IL34: variants seen among roughly 807,000 people sequenced by gnomAD.
IL34 encodes interleukin 34.
Under a neutral mutation model 25.3 loss-of-function variants are expected in IL34, and 17 were observed. That is an observed-to-expected ratio of 0.67 (90% CI 0.46 to 1.01). The LOEUF (loss-of-function observed/expected upper bound fraction) is 1.01. Among genes scored for constraint, IL34 ranks in the 50% least tolerant of loss-of-function variants. The pLI is 0.00. For synonymous variants in IL34, 174 were observed against 140.9 expected, an observed-to-expected ratio of 1.23 and a Z score of -1.66; for missense variants, 368 against 312.9, an observed-to-expected ratio of 1.18 and a Z score of -1.33.
intron 1 of IL34, among the ~76,000 whole-genome samples, chr16:70,612,093 C>T (rs902215475): frequency 6.6e-6 from 1 of 152,310 alleles, no homozygotes; most frequent in East Asian, 1.9e-4. Flanking sequence ...AGCCCAAAGC[C>T]TGTCTCAGGC....
intron 1 of IL34, among the ~76,000 whole-genome samples, chr16:70,613,632 G>A (rs1435207307): frequency 2.0e-5 from 3 of 152,062 alleles, no homozygotes; most frequent in Admixed American, 1.3e-4. Context: ...CCAACACTTT[G>A]GGAGGCTGCG....
intron 1 of IL34, among the ~76,000 whole-genome samples, chr16:70,588,495 C>CAA (rs1043893573): frequency 7.3e-6 from 1 of 136,158 alleles, no homozygotes. Context: ...AACTTCATTT[C>CAA]AAAAAAAAAA....
At chr16:70,645,072 A>T (rs141247373), upstream of IL34, among the ~76,000 whole-genome samples, 14 of 141,110 alleles carry the variant, frequency 9.9e-5, no homozygotes, top group African/African-American at 3.2e-4. Flanking sequence ...GGAAGGAGAA[A>T]GGAAGAGGGA....
At chr16:70,624,812 G>A (rs1007527308) in intron 1 of IL34, among the ~76,000 whole-genome samples, 2 of 151,944 alleles carry the variant, frequency 1.3e-5, no homozygotes, top group Non-Finnish European at 2.9e-5. Context: ...GAAGAATTGG[G>A]ACCTAGCTTG....
intron 1 of IL34, among the ~76,000 whole-genome samples, chr16:70,590,070 A>G (rs1348887051): frequency 1.3e-5 from 2 of 152,178 alleles, no homozygotes; most frequent in African/African-American, 4.8e-5. Flanking sequence ...GTGTTGCTGG[A>G]GAGATGGACA....
chr16:70,622,548 C>G (rs1257667719), intron 1 of IL34, among the ~76,000 whole-genome samples: 1 of 151,740 alleles, frequency 6.6e-6, no homozygotes, highest in Non-Finnish European at 1.5e-5. Context: ...GAACTGCCAT[C>G]AATAAATCAA....
chr16:70,633,638 T>C (rs1457422938), intron 1 of IL34, among the ~76,000 whole-genome samples: 1 of 152,084 alleles, frequency 6.6e-6, no homozygotes, highest in East Asian at 1.9e-4. Context: ...AGTACCATAA[T>C]TGGTGGCTTA....
At chr16:70,645,808 C>G (rs145749406), upstream of IL34, among the ~76,000 whole-genome samples, 1,008 of 152,274 alleles carry the variant, frequency 6.6e-3, 7 homozygotes, top group Admixed American at 0.013. Flanking sequence ...AATCCCAGCA[C>G]TTTGGGAGGC....
rs749776814 is a variant in IL34, at chr16:70,660,182, C to T, written c.724C>T (p.Pro242Ser). 2 of 1,573,720 alleles carry T rather than the reference C, an allele frequency of 1.3e-6. No homozygotes were observed. Among genetic ancestry groups the T allele is most frequent in the African/African-American group, 1.4e-5 (1 of 73,638 alleles). Residue 242 changes from proline to serine, a missense_variant, in exon 6 of 6, where the codon CCC (proline) becomes TCC (serine). Pro to Ser is a moderately conservative substitution (Grantham distance 74). Transcript: ENST00000288098. ...PVRAQGEGLLP is the reference protein window; with the variant it reads ...PVRAQGEGLLS ...CAGGGCACAGGGCGAGGGCCTCTTGCCCTGAGCACCCTGGATGGTGACTGC... is the reference window on the plus strand; with the variant it reads ...CAGGGCACAGGGCGAGGGCCTCTTGTCCTGAGCACCCTGGATGGTGACTGC...
chr16:70,631,100 G>T (rs1183176315), intron 1 of IL34, among the ~76,000 whole-genome samples: 1 of 152,218 alleles, frequency 6.6e-6, no homozygotes, highest in Non-Finnish European at 1.5e-5. Flanking sequence ...CATGGACGCA[G>T]AAGACTGACT....
At chr16:70,614,434 C>G (rs919577561) in intron 1 of IL34, among the ~76,000 whole-genome samples, 1 of 152,116 alleles carries the variant, frequency 6.6e-6, no homozygotes, top group Non-Finnish European at 1.5e-5. Context: ...GGGCCTGGAG[C>G]CTGTGTTTTT....
intron 1 of IL34, among the ~76,000 whole-genome samples, chr16:70,584,089 C>T (rs1236016182): frequency 2.6e-5 from 4 of 152,366 alleles, no homozygotes; most frequent in Non-Finnish European, 5.9e-5. Flanking sequence ...GAGGGAGAGA[C>T]ATCTCGTCCC....
At chr16:70,590,702 A>AGG (rs2050743654) in intron 1 of IL34, among the ~76,000 whole-genome samples, 1 of 152,130 alleles carries the variant, frequency 6.6e-6, no homozygotes, top group East Asian at 1.9e-4. Flanking sequence ...CTGGGAACCA[A>AGG]GGCTCAGAGG....
chr16:70,647,567 G>T (rs903572772), intron 1 of IL34, among the ~76,000 whole-genome samples: 3 of 152,230 alleles, frequency 2.0e-5, no homozygotes, highest in African/African-American at 7.2e-5. Flanking sequence ...GCCAGACCAA[G>T]ATCCCCTCAG....
chr16:70,626,335 T>C (rs13335470), intron 1 of IL34, among the ~76,000 whole-genome samples: 12,384 of 152,190 alleles, frequency 0.081, 1,631 homozygotes, highest in African/African-American at 0.28. Flanking sequence ...TCTGAATGTT[T>C]AATCATAGGT....
intron 1 of IL34, among the ~76,000 whole-genome samples, chr16:70,632,101 CAAA>C (rs71151199): frequency 3.7e-4 from 40 of 106,704 alleles, no homozygotes; most frequent in African/African-American, 3.3e-4. Flanking sequence ...GACCCTGTCT[CAAA>C]AAAAAAAAAA....
At chr16:70,657,710 G>T (rs1332710681) in intron 4 of IL34, among the ~76,000 whole-genome samples, 2 of 152,134 alleles carry the variant, frequency 1.3e-5, no homozygotes, top group African/African-American at 4.8e-5. Flanking sequence ...GGGAGGCAGA[G>T]GTTGCAGTGA....
intron 2 of IL34, among the ~76,000 whole-genome samples, chr16:70,655,099 C>T (rs2052181992): frequency 6.6e-6 from 1 of 151,460 alleles, no homozygotes; most frequent in South Asian, 2.1e-4. Flanking sequence ...TGTCACCAGG[C>T]TGGAGTGCAG....
intron 1 of IL34, among the ~76,000 whole-genome samples, chr16:70,585,689 A>AG (rs1256419078): frequency 6.9e-6 from 1 of 145,060 alleles, no homozygotes; most frequent in Admixed American, 7.0e-5. Context: ...ACTCTGTCTT[A>AG]AAAAAAAAAA....
Sources: gnomAD v4.1 joint callset for allele counts (sites outside exome capture counted in the v4.1 genomes callset) on GRCh38, gnomAD v4.1.1 for gene constraint, MANE v1.5 for transcripts, NCBI Gene and HGNC (gene_info 2026-07-23, HGNC 2026-07-21) for gene names.